Variants in SPRY3 observed in about 807,000 individuals in gnomAD.
The protein encoded by SPRY3 is protein sprouty homolog 3.
SPRY3 carries 15 observed loss-of-function variants against 20.2 expected under a neutral mutation model. The ratio of observed to expected loss-of-function variants is 0.74; its 90% CI spans 0.50 to 1.14. The LOEUF is 1.14. Ranked by LOEUF, SPRY3 falls within the 50% of genes most tolerant of loss-of-function variation. The probability of loss-of-function intolerance (pLI) is 0.00; values close to 1 mark genes in which losing one functional copy is unlikely to be tolerated. For synonymous variants in SPRY3, 143 were observed against 136.5 expected, an observed-to-expected ratio of 1.05 and a Z score of -0.33; for missense variants, 364 against 363.9, an observed-to-expected ratio of 1.00 and a Z score of 0.00.
chrX:155,683,862 G>A (rs1245892067), intron 2 of SPRY3, among the ~76,000 whole-genome samples: 2 of 111,936 alleles, frequency 1.8e-5, no homozygotes, highest in East Asian at 5.6e-4. Context: ...TAGCTTTTAA[G>A]GGAAGAGTAG....
rs373324394 is a variant in SPRY3 at position 155,659,489 on chromosome X, G to T, written c.-282+2464G>T. On this transcript the variant is annotated intron_variant, in intron 2 of 3. Coordinates refer to ENST00000675360, the Ensembl canonical transcript of SPRY3. ...TGCACCTATGTTCATCAGGGATATT[G>T]GCTTGTAGTTTTCCCTTTTCATTGT... Among the ~76,000 whole-genome samples the T allele has an allele frequency of 1.2e-4, 13 of 110,689 alleles. No individual in the cohort carries two copies. The East Asian group carries it at 3.4e-3, about 29-fold the overall frequency.
chrX:155,774,748 A>G, exon 4 of SPRY3: 1 of 1,602,634 alleles, frequency 6.2e-7, no homozygotes, highest in South Asian at 1.1e-5. Flanking sequence ...ACCTTCCAAC[A>G]AGGTGGATCC....
At chrX:155,631,002 G>A (rs1187495823) in intron 1 of SPRY3, among the ~76,000 whole-genome samples, 1 of 109,748 alleles carries the variant, frequency 9.1e-6, no homozygotes, top group African/African-American at 3.3e-5. Flanking sequence ...TGTCACATGG[G>A]GATTTGTGTG....
At chrX:155,777,564 C>T (rs1214696275), downstream of SPRY3, 2 of 83,572 alleles carry the variant, frequency 2.4e-5, no homozygotes, top group East Asian at 4.3e-4. Context: ...ATCTGCTTTA[C>T]GTATAGATGG....
At chrX:155,738,114 G>A (rs2091180928) in intron 2 of SPRY3, among the ~76,000 whole-genome samples, 1 of 151,860 alleles carries the variant, frequency 6.6e-6, no homozygotes, top group African/African-American at 2.4e-5. Flanking sequence ...TAAAATTTTG[G>A]GGAACTACAG....
intron 2 of SPRY3, among the ~76,000 whole-genome samples, chrX:155,692,502 T>C (rs2068106403): frequency 9.0e-6 from 1 of 111,524 alleles, no homozygotes; most frequent in Non-Finnish European, 1.9e-5. Context: ...AAAAAATTGA[T>C]TTGCATTTTC....
chrX:155,728,891 A>G (rs1244139737), intron 2 of SPRY3, among the ~76,000 whole-genome samples: 1 of 152,186 alleles, frequency 6.6e-6, no homozygotes, highest in Non-Finnish European at 1.5e-5. Flanking sequence ...TTCCATGCCA[A>G]TGGAAACCAA....
chrX:155,772,339 G>A (rs984079463), intron 3 of SPRY3, among the ~76,000 whole-genome samples: 6 of 152,004 alleles, frequency 3.9e-5, no homozygotes, highest in African/African-American at 1.4e-4. Flanking sequence ...TGTTTTTCCT[G>A]TTATTGAGCT....
intron 2 of SPRY3, among the ~76,000 whole-genome samples, chrX:155,755,436 C>A (rs2091280377): frequency 6.6e-6 from 1 of 151,996 alleles, no homozygotes; most frequent in East Asian, 1.9e-4. Context: ...AGGGTATGGG[C>A]TCTGGAGTTA....
At chrX:155,613,800 A>G (rs2067840269) in intron 1 of SPRY3, among the ~76,000 whole-genome samples, 1 of 110,553 alleles carries the variant, frequency 9.0e-6, no homozygotes, top group Non-Finnish European at 1.9e-5. Flanking sequence ...ATAAGTTTGT[A>G]TATTTTTTTT....
In SPRY3 at chrX:155,669,344, A is replaced by G. The variant is rs185843877; in HGVS notation, c.-282+12319A>G. Among the ~76,000 whole-genome samples the G allele has an allele frequency of 2.4e-3, 269 of 111,269 alleles. 6 individuals carry two copies. In the East Asian group the frequency reaches 0.054, roughly 22 times the overall value. Reference sequence around the variant, plus strand: ...TAGCCACCTTACTAATTCTCTTATTAGTTTTACCATTAATTTTGCCAAATA... The same window carrying G: ...TAGCCACCTTACTAATTCTCTTATTGGTTTTACCATTAATTTTGCCAAATA... On this transcript the variant is annotated intron_variant, in intron 2 of 3. Transcript: ENST00000675360.
chrX:155,716,309 C>A (rs991516588), intron 2 of SPRY3, among the ~76,000 whole-genome samples: 5 of 152,108 alleles, frequency 3.3e-5, no homozygotes, highest in Non-Finnish European at 5.9e-5. Context: ...CAACCCTATA[C>A]TTTTTATTTT....
chrX:155,763,246 C>A (rs184100482), intron 2 of SPRY3, among the ~76,000 whole-genome samples: 3 of 152,194 alleles, frequency 2.0e-5, no homozygotes, highest in Non-Finnish European at 2.9e-5. Flanking sequence ...AGCCAAAGTT[C>A]TTTACAACTC....
At position 155,716,981 on chromosome X, in the gene SPRY3, AATAT is replaced by A. The variant is rs749530944; in HGVS notation, c.-281-50953_-281-50950del. 1.1e-3 allele frequency among the ~76,000 whole-genome samples: 69 copies of A among 63,472 alleles called. 1 individual carries two copies. The South Asian group carries it at 0.013, about 12-fold the overall frequency. 41.6% of individuals were successfully genotyped at this position (63,472 alleles called of 152,430 possible). The stretch of plus-strand genomic sequence containing the variant: ...AAACCCTGTTTCCACTAAAATACAA[AATAT>A]ATATATATATATATATATATATATA... On this transcript the variant is annotated intron_variant, in intron 2 of 3. Transcript: ENST00000675360.
chrX:155,615,966 G>A (rs1353801100), intron 1 of SPRY3, among the ~76,000 whole-genome samples: 1 of 110,925 alleles, frequency 9.0e-6, no homozygotes, highest in Non-Finnish European at 1.9e-5. Context: ...CAGAACTCAA[G>A]AAGGATTAGA....
At chrX:155,736,179 C>T (rs2091168041) in intron 2 of SPRY3, among the ~76,000 whole-genome samples, 1 of 151,914 alleles carries the variant, frequency 6.6e-6, no homozygotes, top group African/African-American at 2.4e-5. Flanking sequence ...CATATCATTG[C>T]TCTTATTATT....
intron 2 of SPRY3, among the ~76,000 whole-genome samples, chrX:155,658,205 A>T (rs1016036549): frequency 1.9e-4 from 21 of 110,199 alleles, no homozygotes; most frequent in African/African-American, 6.6e-4. Context: ...GTACTTTATA[A>T]TTTTTTTTTC....
chrX:155,675,651 A>G (rs868957400), intron 2 of SPRY3, among the ~76,000 whole-genome samples: 11 of 111,706 alleles, frequency 9.8e-5, no homozygotes, highest in African/African-American at 2.9e-4. Flanking sequence ...TGGGAAAGGT[A>G]TAGCTGGCCA....
At chrX:155,757,672 C>G (rs1277451704) in intron 2 of SPRY3, among the ~76,000 whole-genome samples, 1 of 152,110 alleles carries the variant, frequency 6.6e-6, no homozygotes, top group Non-Finnish European at 1.5e-5. Context: ...GAAAATGCAG[C>G]TTCTCTGGGT....
Sources: allele counts gnomAD v4.1 joint callset (sites outside exome capture counted in the v4.1 genomes callset), GRCh38; gene constraint gnomAD v4.1.1; transcripts MANE v1.5; gene names NCBI Gene and HGNC (gene_info 2026-07-23, HGNC 2026-07-21).